Variants in MTHFD1L observed in about 807,000 individuals in gnomAD.
The protein encoded by MTHFD1L is methylenetetrahydrofolate dehydrogenase (NADP+ dependent) 1 like, also known as monofunctional C1-tetrahydrofolate synthase, mitochondrial.
In MTHFD1L, 81 loss-of-function variants were observed where a neutral mutation model predicts 119.5. The observed-to-expected ratio is 0.68, with a 90% confidence interval of 0.57 to 0.82. The LOEUF is 0.82. MTHFD1L is among the 40% of genes least tolerant of loss of function. MTHFD1L has a pLI of 0.00. For missense variants in MTHFD1L, 1,125 were observed against 1,253.4 expected, an observed-to-expected ratio of 0.90 and a Z score of 1.55; for synonymous variants, 430 against 475.2, an observed-to-expected ratio of 0.90 and a Z score of 1.24.
At chr6:150,923,217 T>C (rs970112338) in intron 10 of MTHFD1L, among the ~76,000 whole-genome samples, 20 of 152,172 alleles carry the variant, frequency 1.3e-4, no homozygotes, top group African/African-American at 4.6e-4. Flanking sequence ...CTCAGAGTGC[T>C]CTCTGATGAG....
chr6:151,012,343 A>G (rs566852154), intron 21 of MTHFD1L, among the ~76,000 whole-genome samples: 21 of 151,712 alleles, frequency 1.4e-4, no homozygotes, highest in African/African-American at 4.6e-4. Context: ...ATAGCTCTGT[A>G]TTTTTGAACC....
At chr6:150,945,823 T>C (rs998262101) in intron 15 of MTHFD1L, among the ~76,000 whole-genome samples, 4 of 152,124 alleles carry the variant, frequency 2.6e-5, no homozygotes, top group South Asian at 2.1e-4. Context: ...AATTTATGAG[T>C]ACTCTAGTCA....
chr6:150,899,827 C>G (rs1784825810), intron 7 of MTHFD1L, among the ~76,000 whole-genome samples: 1 of 151,776 alleles, frequency 6.6e-6, no homozygotes, highest in Non-Finnish European at 1.5e-5. Flanking sequence ...CAAAAATTAG[C>G]TGGGTGTGGT....
At chr6:151,100,016 AAATAT>A in intron 27 of MTHFD1L, 2 of 721,422 alleles carry the variant, frequency 2.8e-6, no homozygotes, top group Non-Finnish European at 4.6e-6. Flanking sequence ...GAAAAGAAAG[AAATAT>A]TTTCTTTCTT....
At chr6:151,010,101 C>T in intron 21 of MTHFD1L, 143 bp downstream of exon 21, 1 of 976,160 alleles carries the variant, frequency 1.0e-6, no homozygotes, top group Non-Finnish European at 1.4e-6. Context: ...CTGTAGACCT[C>T]CCTCGTGGAC....
In MTHFD1L at chr6:151,045,679, G is replaced by A. The variant is rs538400099; in HGVS notation, c.2847+8562G>A. Among the ~76,000 whole-genome samples the A allele has an allele frequency of 2.0e-5, 3 of 152,228 alleles. No homozygotes were observed. In the East Asian group the frequency reaches 5.8e-4, roughly 29 times the overall value. ...CTGTGTCCTTTGTCTCCCATCCTGG[G>A]ATCCTGGTGGTTTCCTCCTCCCCTC... On this transcript the variant is annotated intron_variant, in intron 26 of 27. Transcript: ENST00000367321.
intron 17 of MTHFD1L, among the ~76,000 whole-genome samples, chr6:150,957,004 A>C (rs540873156): frequency 3.3e-4 from 50 of 152,310 alleles, no homozygotes; most frequent in African/African-American, 1.1e-3. Flanking sequence ...GAAAAATAGG[A>C]AGATGGAATT....
At chr6:150,953,076 A>T (rs1795078932) in intron 16 of MTHFD1L, among the ~76,000 whole-genome samples, 1 of 152,044 alleles carries the variant, frequency 6.6e-6, no homozygotes, top group Non-Finnish European at 1.5e-5. Context: ...CCATGGACCA[A>T]GGGCCCACAA....
chr6:150,992,122 G>A (rs1026592482), intron 20 of MTHFD1L, among the ~76,000 whole-genome samples: 3 of 152,208 alleles, frequency 2.0e-5, no homozygotes, highest in East Asian at 3.9e-4. Context: ...TTCTGAAGTC[G>A]AATAAGTGAA....
intron 20 of MTHFD1L, among the ~76,000 whole-genome samples, chr6:151,001,660 A>G (rs1780642063): frequency 6.6e-6 from 1 of 152,102 alleles, no homozygotes; most frequent in Admixed American, 6.5e-5. Context: ...GGAGTGGGTA[A>G]AATACCTGGA....
In MTHFD1L at chr6:150,887,879, G is replaced by A; in HGVS notation, c.678G>A (p.Val226=). Reference sequence around the variant, plus strand: ...TAGATGGAAAGAAGATTTTGGTAGTGGGGGCCCATGGGTCTTTGGAAGCTG... The same window carrying A: ...TAGATGGAAAGAAGATTTTGGTAGTAGGGGCCCATGGGTCTTTGGAAGCTG... ...VNLDGKKILV[V]GAHGSLEAAL... Residue 226 remains valine, a synonymous_variant, in exon 7 of 28, where the codon GTG becomes GTA. Transcript: ENST00000367321. 1 of 1,607,242 alleles carries A rather than the reference G, an allele frequency of 6.2e-7. No individual in the cohort carries two copies. The highest frequency in any genetic ancestry group is 1.3e-5 in the African/African-American group (1 of 74,772).
intron 20 of MTHFD1L, among the ~76,000 whole-genome samples, chr6:151,000,522 G>T (rs188417964): frequency 6.6e-6 from 1 of 152,176 alleles, no homozygotes; most frequent in African/African-American, 2.4e-5. Context: ...TTAGTGGTTA[G>T]TGAAATTTCA....
chr6:151,076,385 C>T (rs1792517823), intron 26 of MTHFD1L, among the ~76,000 whole-genome samples: 1 of 151,968 alleles, frequency 6.6e-6, no homozygotes, highest in South Asian at 2.1e-4. Context: ...CACGGTGGCT[C>T]ACAGCTGTAA....
intron 2 of MTHFD1L, among the ~76,000 whole-genome samples, chr6:150,877,295 C>T (rs1301378701): frequency 6.6e-6 from 1 of 152,160 alleles, no homozygotes; most frequent in Non-Finnish European, 1.5e-5. Flanking sequence ...TCAAGCAATC[C>T]ACCGCCTCAG....
chr6:151,036,856 C>T (rs113459068), intron 25 of MTHFD1L, 109 bp from the exon 26 acceptor site: 32 of 1,181,220 alleles, frequency 2.7e-5, no homozygotes, highest in African/African-American at 9.1e-5. Context: ...GCGTGTGCCT[C>T]GATCTGAGCC....
chr6:150,979,974 C>CT (rs199818029), intron 20 of MTHFD1L, among the ~76,000 whole-genome samples: 71 of 150,130 alleles, frequency 4.7e-4, no homozygotes, highest in African/African-American at 1.2e-3. Context: ...TTTCATCCAC[C>CT]TTTAAAAAAA....
chr6:150,973,521 AAGT>A (rs1277443402), intron 20 of MTHFD1L, among the ~76,000 whole-genome samples: 6 of 152,126 alleles, frequency 3.9e-5, no homozygotes, highest in African/African-American at 1.4e-4. Context: ...TGCTTAAGTG[AAGT>A]GGTGGTTCTG....
At position 150,865,748 on chromosome 6, in the gene MTHFD1L, T is replaced by A; in HGVS notation, c.-75T>A. ...CGCCGCCGCCGCCGCCGCCGCCGCC[T>A]GCTCCCCTGGCACGCGCCCCGCCGC... is the stretch of plus-strand genomic sequence containing the variant. On this transcript the variant is annotated 5_prime_UTR_variant, in exon 1 of 28. Coordinates refer to ENST00000367321, the MANE Select transcript of MTHFD1L (RefSeq NM_015440.5). 2 of 1,070,066 alleles carry A rather than the reference T, an allele frequency of 1.9e-6. No individual in the cohort carries two copies. The highest frequency in any genetic ancestry group is 2.4e-5 in the South Asian group (1 of 41,060). The allele number at this position is 1,070,066 out of a possible 1,614,324, so 66.3% of individuals were successfully genotyped here. A position where few individuals can be genotyped will look rare whatever the true frequency, so the allele number is the denominator to read the frequency against.
At chr6:150,884,276 G>A (rs1781854932) in intron 5 of MTHFD1L, among the ~76,000 whole-genome samples, 1 of 151,700 alleles carries the variant, frequency 6.6e-6, no homozygotes. Flanking sequence ...CGAGTAGCTG[G>A]GACTACAGGT....
Sources: gnomAD v4.1 joint callset for allele counts (sites outside exome capture counted in the v4.1 genomes callset) on GRCh38, gnomAD v4.1.1 for gene constraint, MANE v1.5 for transcripts, NCBI Gene and HGNC (gene_info 2026-07-23, HGNC 2026-07-21) for gene names.